Variants in SORCS1 observed in about 807,000 individuals in gnomAD.
SORCS1 encodes sortilin related VPS10 domain containing receptor 1.
A neutral mutation model predicts 146.1 loss-of-function variants in SORCS1; 60 were observed. The observed-to-expected ratio is 0.41, with a 90% CI of 0.33 to 0.51. The LOEUF (loss-of-function observed/expected upper bound fraction) is 0.51, where lower values mean the gene tolerates loss of function less well. SORCS1 is among the 20% of genes least tolerant of loss of function. The probability of loss-of-function intolerance (pLI) is 0.21; values close to 1 mark genes in which losing one functional copy is unlikely to be tolerated. For missense variants in SORCS1, 1,352 were observed against 1,487.6 expected (o/e 0.91, Z 1.50); for synonymous variants, 637 against 584.0 (o/e 1.09, Z -1.31).
chr10:106,720,215 C>T (rs1024119733), intron 6 of SORCS1, among the ~76,000 whole-genome samples: 1 of 152,124 alleles, frequency 6.6e-6, no homozygotes, highest in Non-Finnish European at 1.5e-5. Context: ...CCTAATCATC[C>T]CTCATTCATG....
At position 106,791,368 on chromosome 10, in the gene SORCS1, C is replaced by T. The variant is rs572997865; in HGVS notation, c.727-14676G>A. Among the ~76,000 whole-genome samples, 12 of 152,218 alleles carry T rather than the reference C, an allele frequency of 7.9e-5. No individual in the cohort carries two copies. In the East Asian group the frequency reaches 1.9e-3, roughly 24 times the overall value. On this transcript the variant is annotated intron_variant, in intron 3 of 25. Transcript: ENST00000263054. ...TTCTGTATGTCAATTACTATTTCCTCAAGTAATTTCCTAGTAGTGAAATTT... is the reference window on the plus strand; with the variant it reads ...TTCTGTATGTCAATTACTATTTCCTTAAGTAATTTCCTAGTAGTGAAATTT...
At chr10:106,951,277 C>T (rs964679620) in intron 2 of SORCS1, among the ~76,000 whole-genome samples, 6 of 151,924 alleles carry the variant, frequency 3.9e-5, no homozygotes, top group African/African-American at 7.3e-5. Context: ...TTTGGGAGGC[C>T]GAGGTGGGTG....
intron 1 of SORCS1, among the ~76,000 whole-genome samples, chr10:107,117,485 T>C (rs1565066981): frequency 6.6e-6 from 1 of 152,086 alleles, no homozygotes; most frequent in Non-Finnish European, 1.5e-5. Context: ...CCCAGAACTG[T>C]GAGGTCATGA....
intron 3 of SORCS1, among the ~76,000 whole-genome samples, chr10:106,781,958 C>G (rs1031256542): frequency 2.7e-5 from 4 of 150,540 alleles, no homozygotes; most frequent in African/African-American, 1.0e-4. Flanking sequence ...CAAGCACACA[C>G]TGATAGAAAT....
chr10:106,630,754 T>C (rs1848394919), intron 18 of SORCS1, among the ~76,000 whole-genome samples: 1 of 152,136 alleles, frequency 6.6e-6, no homozygotes, highest in Non-Finnish European at 1.5e-5. Flanking sequence ...GACCTACAAT[T>C]GTCCCTTTAA....
At chr10:106,831,664 A>G (rs987072195) in intron 2 of SORCS1, among the ~76,000 whole-genome samples, 6 of 152,156 alleles carry the variant, frequency 3.9e-5, no homozygotes, top group Admixed American at 2.6e-4. Flanking sequence ...AGAAAGCTGC[A>G]TAAAAGTGAT....
At chr10:106,947,442 C>T (rs985929924) in intron 2 of SORCS1, among the ~76,000 whole-genome samples, 1 of 152,104 alleles carries the variant, frequency 6.6e-6, no homozygotes, top group African/African-American at 2.4e-5. Context: ...AGCAGTGTAG[C>T]ACAGGCATTC....
intron 1 of SORCS1, among the ~76,000 whole-genome samples, chr10:107,035,864 A>C (rs1468099460): frequency 6.6e-6 from 1 of 151,290 alleles, no homozygotes; most frequent in Non-Finnish European, 1.5e-5. Context: ...CCTTATAAGT[A>C]TAGTTCCCAT....
Position 106,629,360 on chromosome 10 carries a change from A to G in SORCS1, c.2504T>C (p.Val835Ala), listed in dbSNP as rs1207160012. ...EGDVQRTLIQ[V>A]DFGDGIAVSY... ...CACCGCGATACCATCGCCAAAGTCC[A>G]CTTGGATGAGTGTCCGCTGAACATC... The change falls in exon 19 of 26, where the codon GTG (valine) becomes GCG (alanine). Residue 835 changes from valine to alanine, a missense_variant. Transcript: ENST00000263054. The G allele has an allele frequency of 1.2e-6, 2 of 1,614,038 alleles. No homozygotes were observed. The highest frequency in any genetic ancestry group is 1.1e-5 in the South Asian group (1 of 91,072).
intron 17 of SORCS1, among the ~76,000 whole-genome samples, chr10:106,653,577 A>C (rs1053073971): frequency 6.6e-5 from 10 of 152,242 alleles, no homozygotes; most frequent in African/African-American, 2.4e-4. Context: ...CACATAAAAG[A>C]ATGTATGCAG....
intron 5 of SORCS1, among the ~76,000 whole-genome samples, chr10:106,753,722 G>A (rs1050625939): frequency 1.3e-5 from 2 of 151,794 alleles, no homozygotes; most frequent in Non-Finnish European, 2.9e-5. Flanking sequence ...TAGCGGTGAG[G>A]CCCAGTGGAT....
chr10:106,706,293 GAGAA>G (rs748001213), intron 8 of SORCS1, among the ~76,000 whole-genome samples: 7 of 150,088 alleles, frequency 4.7e-5, no homozygotes, highest in Admixed American at 2.7e-4. Context: ...GAAGGAGAAA[GAGAA>G]AGAAAGAAAG....
chr10:106,765,282 G>A (rs1470846779), intron 4 of SORCS1, among the ~76,000 whole-genome samples: 2 of 151,878 alleles, frequency 1.3e-5, no homozygotes, highest in Non-Finnish European at 2.9e-5. Flanking sequence ...TCTATTAGCA[G>A]CCTTAGGGCC....
intron 1 of SORCS1, among the ~76,000 whole-genome samples, chr10:107,086,000 T>G (rs1963729945): frequency 6.6e-6 from 1 of 152,232 alleles, no homozygotes; most frequent in African/African-American, 2.4e-5. Flanking sequence ...GTCCAAAGCC[T>G]AGAAGTGACT....
At chr10:106,929,600 T>C (rs1005680989) in intron 2 of SORCS1, among the ~76,000 whole-genome samples, 2 of 152,224 alleles carry the variant, frequency 1.3e-5, no homozygotes, top group Admixed American at 6.5e-5. Flanking sequence ...AACGCCTACA[T>C]TGCAGGCTTT....
At chr10:107,021,395 T>C (rs928317771) in intron 1 of SORCS1, among the ~76,000 whole-genome samples, 1 of 150,878 alleles carries the variant, frequency 6.6e-6, no homozygotes, top group Non-Finnish European at 1.5e-5. Flanking sequence ...GTGCCTGTAG[T>C]CCCAGCTACT....
chr10:106,944,995 C>T (rs1007996651), intron 2 of SORCS1, among the ~76,000 whole-genome samples: 2 of 147,372 alleles, frequency 1.4e-5, no homozygotes, highest in African/African-American at 5.0e-5. Flanking sequence ...AAGCAATTCT[C>T]CTGCCTCAAA....
At chr10:106,781,332 A>G (rs1195441758) in intron 3 of SORCS1, among the ~76,000 whole-genome samples, 3 of 151,972 alleles carry the variant, frequency 2.0e-5, no homozygotes, top group African/African-American at 7.3e-5. Flanking sequence ...TATTTATTTT[A>G]TATGTTGTTC....
At chr10:107,058,705 G>C (rs1960884653) in intron 1 of SORCS1, among the ~76,000 whole-genome samples, 1 of 152,116 alleles carries the variant, frequency 6.6e-6, no homozygotes, top group Non-Finnish European at 1.5e-5. Context: ...TGGTGAGTTA[G>C]AATATAGAAC....
Sources: gnomAD v4.1 joint callset for allele counts (sites outside exome capture counted in the v4.1 genomes callset) on GRCh38, gnomAD v4.1.1 for gene constraint, MANE v1.5 for transcripts, NCBI Gene and HGNC (gene_info 2026-07-23, HGNC 2026-07-21) for gene names.